FMN2: variants seen among roughly 807,000 people sequenced by gnomAD.
FMN2 encodes the protein formin-2.
In FMN2, 51 loss-of-function variants were observed where a neutral mutation model predicts 142.3. The observed-to-expected ratio is 0.36, with a 90% CI of 0.29 to 0.45. The LOEUF is 0.45. FMN2 is among the 20% of genes least tolerant of loss of function. The pLI, the probability that FMN2 is intolerant of heterozygous loss-of-function variation, is 1.00. For missense variants in FMN2, 1,936 were observed against 2,122.8 expected (o/e 0.91, Z 1.73); for synonymous variants, 882 against 869.8 (o/e 1.01, Z -0.25).
At chr1:240,376,091 A>G (rs1673033977) in intron 14 of FMN2, among the ~76,000 whole-genome samples, 1 of 151,876 alleles carries the variant, frequency 6.6e-6, no homozygotes, top group African/African-American at 2.4e-5. Context: ...TTTTCCTGGT[A>G]CTATATCTTG....
chr1:240,357,602 C>A (rs1672315234), intron 14 of FMN2, among the ~76,000 whole-genome samples: 1 of 147,270 alleles, frequency 6.8e-6, no homozygotes, highest in African/African-American at 2.5e-5. Context: ...ATTTTAACAA[C>A]CTTACGGGTT....
intron 2 of FMN2, among the ~76,000 whole-genome samples, chr1:240,159,456 T>G (rs1558328094): frequency 2.6e-5 from 4 of 152,118 alleles, no homozygotes; most frequent in African/African-American, 9.7e-5. Context: ...ACCTGAGCCG[T>G]CACATCTCTC....
chr1:240,155,220 T>G (rs1210549941), intron 2 of FMN2, among the ~76,000 whole-genome samples: 1 of 152,086 alleles, frequency 6.6e-6, no homozygotes, highest in African/African-American at 2.4e-5. Context: ...AAGATGATTT[T>G]CTGCATAGTG....
rs199866888 is a variant in FMN2 at position 240,468,206 on chromosome 1, A to ATGTG, written c.5061-4142_5061-4139dup. 3.4e-3 allele frequency among the ~76,000 whole-genome samples: 496 copies of ATGTG among 147,962 alleles called. 6 individuals carry two copies. Among genetic ancestry groups the ATGTG allele is most frequent in the African/African-American group, 0.011 (457 of 39,978 alleles). On this transcript the variant is annotated intron_variant, in intron 16 of 17. Transcript: ENST00000319653. ...AATGCATCCACTAAAATATATATAT[A>ATGTG]TGTGTGTGTGTGTGTGTGTGTGTGT...
Position 240,474,138 on chromosome 1 carries a change from T to C in FMN2, c.5153T>C (p.Ile1718Thr). 6.4e-7 allele frequency: 1 copy of C among 1,557,666 alleles called. No homozygotes were observed. The highest frequency in any genetic ancestry group is 8.6e-7 in the Non-Finnish European group (1 of 1,161,568). The change falls in exon 18 of 18, where the codon ATA becomes ACA. Residue 1718 changes from isoleucine (I) to threonine (T), a missense_variant. By Grantham distance (89) the Ile-to-Thr change is moderately conservative. This residue lies in a region of FMN2 where 322 missense variants were observed against 401.6 expected (regional missense o/e 0.80). Coordinates refer to ENST00000319653, the MANE Select transcript of FMN2 (RefSeq NM_020066.5). The stretch of plus-strand genomic sequence containing the variant: ...TGTATTTGTTTTCAGAAAGCAAAGA[T>C]AAGCATGAAAACTTGAACAATGAAA... The part of the protein sequence containing the change: ...PRHDSGIKAK[I>T]SMKT
chr1:240,234,972 A>T (rs2102855688), intron 6 of FMN2, among the ~76,000 whole-genome samples: 1 of 152,274 alleles, frequency 6.6e-6, no homozygotes, highest in East Asian at 1.9e-4. Flanking sequence ...AAGGATCTGT[A>T]TTCTTTTCTG....
intron 2 of FMN2, among the ~76,000 whole-genome samples, chr1:240,152,882 G>A (rs896178256): frequency 1.4e-4 from 22 of 152,170 alleles, no homozygotes; most frequent in African/African-American, 5.1e-4. Context: ...CAAAACAGTG[G>A]CAATAAAATC....
chr1:240,140,534 G>C (rs1379341838), intron 2 of FMN2, among the ~76,000 whole-genome samples: 1 of 152,078 alleles, frequency 6.6e-6, no homozygotes, highest in African/African-American at 2.4e-5. Context: ...TGGATATATA[G>C]TCTGTAAAAT....
At chr1:240,350,190 A>G (rs573543666) in intron 13 of FMN2, among the ~76,000 whole-genome samples, 2 of 152,338 alleles carry the variant, frequency 1.3e-5, no homozygotes, top group South Asian at 4.1e-4. Context: ...CTATTTTTAC[A>G]TTTATCCAAC....
intron 1 of FMN2, among the ~76,000 whole-genome samples, chr1:240,105,766 G>A (rs1243865564): frequency 6.6e-6 from 1 of 152,060 alleles, no homozygotes; most frequent in Non-Finnish European, 1.5e-5. Flanking sequence ...TATAAATACT[G>A]TATGATTTCC....
At chr1:240,350,728 T>C (rs1375173543) in intron 13 of FMN2, among the ~76,000 whole-genome samples, 1 of 152,190 alleles carries the variant, frequency 6.6e-6, no homozygotes, top group African/African-American at 2.4e-5. Context: ...GTACGTGTTC[T>C]GTAGAAAAGG....
chr1:240,279,895 A>G (rs1449242481), intron 7 of FMN2, among the ~76,000 whole-genome samples: 1 of 152,206 alleles, frequency 6.6e-6, no homozygotes, highest in Non-Finnish European at 1.5e-5. Context: ...CTACATGTTG[A>G]TGTAAATAGG....
At chr1:240,425,879 G>A (rs1674924102) in intron 15 of FMN2, among the ~76,000 whole-genome samples, 1 of 152,192 alleles carries the variant, frequency 6.6e-6, no homozygotes, top group South Asian at 2.1e-4. Flanking sequence ...ACTCTGCCAT[G>A]AGTAGTGCCT....
chr1:240,157,239 T>C (rs1322304754), intron 2 of FMN2, among the ~76,000 whole-genome samples: 2 of 152,230 alleles, frequency 1.3e-5, no homozygotes, highest in African/African-American at 4.8e-5. Context: ...GACATTTAGT[T>C]GATCCTAGTT....
At chr1:240,291,471 T>C (rs1409385009) in intron 7 of FMN2, among the ~76,000 whole-genome samples, 1 of 152,158 alleles carries the variant, frequency 6.6e-6, no homozygotes, top group Non-Finnish European at 1.5e-5. Flanking sequence ...ATATCTGACC[T>C]CCAATCTGAA....
intron 15 of FMN2, among the ~76,000 whole-genome samples, chr1:240,425,544 GCT>G (rs1390626220): frequency 6.6e-6 from 1 of 152,020 alleles, no homozygotes; most frequent in Admixed American, 6.6e-5. Context: ...ATCAAAAGGT[GCT>G]CTCTTAGGTT....
intron 15 of FMN2, among the ~76,000 whole-genome samples, chr1:240,437,517 T>A (rs569346968): frequency 6.6e-6 from 1 of 152,182 alleles, no homozygotes; most frequent in South Asian, 2.1e-4. Context: ...TTAGCCAGGA[T>A]GGTCTCGATC....
chr1:240,251,822 G>A (rs1402106144), intron 6 of FMN2, among the ~76,000 whole-genome samples: 2 of 152,186 alleles, frequency 1.3e-5, no homozygotes, highest in African/African-American at 4.8e-5. Flanking sequence ...TAAGCGGAAA[G>A]TTTAATCTGT....
intron 8 of FMN2, among the ~76,000 whole-genome samples, chr1:240,310,485 A>G (rs931563161): frequency 2.0e-5 from 3 of 152,188 alleles, no homozygotes; most frequent in Non-Finnish European, 4.4e-5. Context: ...TTCAAAAACC[A>G]CAATCCTGAG....
Sources: gnomAD v4.1 joint callset for allele counts (sites outside exome capture counted in the v4.1 genomes callset) on GRCh38, gnomAD v4.1.1 for gene constraint, gnomAD v4.1.1 regional missense constraint, MANE v1.5 for transcripts, NCBI Gene and HGNC (gene_info 2026-07-23, HGNC 2026-07-21) for gene names.